The following NT5DC4 variants were observed in gnomAD, a reference collection of about 807,000 sequenced individuals.
NT5DC4 encodes 5'-nucleotidase domain-containing protein 4.
A neutral mutation model predicts 26.6 loss-of-function variants in NT5DC4; 44 were observed. The ratio of observed to expected loss-of-function variants is 1.65; its 90% CI spans 1.30 to 2.13. The LOEUF (loss-of-function observed/expected upper bound fraction) is 2.13. Among genes scored for constraint, NT5DC4 ranks in the 30% most tolerant of loss-of-function variants. The pLI is 0.00. For synonymous variants in NT5DC4, 157 were observed against 86.7 expected, an observed-to-expected ratio of 1.81 and a Z score of -4.51; for missense variants, 399 against 228.1, an observed-to-expected ratio of 1.75 and a Z score of -4.83.
At chr2:112,728,369 C>T (rs1401143002) in intron 15 of NT5DC4, among the ~76,000 whole-genome samples, 1 of 152,156 alleles carries the variant, frequency 6.6e-6, no homozygotes, top group East Asian at 1.9e-4. Context: ...AACACTCTGG[C>T]TGGTTTTCCT....
At chr2:112,742,395 TCTC>T, downstream of NT5DC4, 1 of 717,532 alleles carries the variant, frequency 1.4e-6, no homozygotes, top group Non-Finnish European at 2.6e-6. Flanking sequence ...TTAAGGCATT[TCTC>T]CTTTCTGCCT....
At chr2:112,723,974 T>C (rs1558726651) in intron 9 of NT5DC4, 120 bp from the exon 10 acceptor site, 5 of 703,778 alleles carry the variant, frequency 7.1e-6, no homozygotes, top group South Asian at 6.0e-5. Flanking sequence ...CTCAGAAGAA[T>C]GAGCAACTTT....
At chr2:112,734,246 T>C (rs554875067) in intron 16 of NT5DC4, among the ~76,000 whole-genome samples, 1 of 149,506 alleles carries the variant, frequency 6.7e-6, no homozygotes, top group Non-Finnish European at 1.5e-5. Context: ...GGAAACCTAA[T>C]GAAACTGGTT....
intron 16 of NT5DC4, 65 bp downstream of exon 16, chr2:112,729,769 G>T: frequency 1.4e-6 from 1 of 716,216 alleles, no homozygotes; most frequent in Non-Finnish European, 2.6e-6. Flanking sequence ...GTGGTTCCCA[G>T]TGGGGTTGTA....
chr2:112,719,019 C>T (rs4849113), upstream of NT5DC4, among the ~76,000 whole-genome samples: 65,891 of 152,112 alleles, frequency 0.43, 15,153 homozygotes, highest in Non-Finnish European at 0.49. Context: ...TACAGTCATG[C>T]GGGGCTTGAC....
At chr2:112,740,747 G>A (rs1241380429), downstream of NT5DC4, 1 of 1,304,514 alleles carries the variant, frequency 7.7e-7, no homozygotes, top group Non-Finnish European at 1.1e-6. Flanking sequence ...CTCTAGATCT[G>A]TGAAGGAAAA....
rs1213757122 is a variant in NT5DC4 at position 112,722,710 on chromosome 2, C to A, written c.470-4C>A. The A allele has an allele frequency of 1.4e-6, 1 of 717,624 alleles. No homozygotes were observed. Among genetic ancestry groups the A allele is most frequent in the South Asian group, 1.5e-5 (1 of 67,604 alleles). The allele number at this position is 717,624 out of a possible 1,614,324, so 44.5% of individuals were successfully genotyped here. Reference sequence around the variant, plus strand: ...TGACAACTGACCATCCTGTCTGCCCCCAGAAACCTACCTCTATGCCTGCTT... The same window carrying A: ...TGACAACTGACCATCCTGTCTGCCCACAGAAACCTACCTCTATGCCTGCTT... On this transcript the variant is annotated splice_polypyrimidine_tract_variant and splice_region_variant and intron_variant, in intron 5 of 16. Transcript: ENST00000688554.
chr2:112,730,953 C>T (rs1678415757), intron 16 of NT5DC4: 1 of 152,084 alleles, frequency 6.6e-6, no homozygotes, highest in South Asian at 2.1e-4. Flanking sequence ...GTGGTTTGAT[C>T]CCTCTATATC....
Position 112,729,708 on chromosome 2 carries a change from A to G in NT5DC4, c.1344+4A>G, listed in dbSNP as rs1678248878. 1.4e-6 allele frequency: 1 copy of G among 717,594 alleles called. No homozygotes were observed. The highest frequency in any genetic ancestry group is 1.7e-5 in the African/African-American group (1 of 57,260). The allele number at this position is 717,594 out of a possible 1,614,324, so 44.5% of individuals were successfully genotyped here. On this transcript the variant is annotated splice_donor_region_variant and intron_variant, in intron 16 of 16. Transcript: ENST00000688554. Reference sequence around the variant, plus strand: ...CCTCCTCTCCTGCAACCAGAGGGTGAGTGGCTGTGGCCGACGAACTCTGTG... The same window carrying G: ...CCTCCTCTCCTGCAACCAGAGGGTGGGTGGCTGTGGCCGACGAACTCTGTG...
chr2:112,736,476 A>G (rs543816318), intron 16 of NT5DC4: 30 of 152,314 alleles, frequency 2.0e-4, no homozygotes, highest in African/African-American at 7.0e-4. Flanking sequence ...TTTTTTTGTG[A>G]TAATAGCAGC....
intron 1 of NT5DC4, 66 bp from the exon 2 acceptor site, chr2:112,721,752 T>C (rs1676889305): frequency 1.4e-6 from 1 of 716,952 alleles, no homozygotes; most frequent in African/African-American, 1.7e-5. Flanking sequence ...CCACCCCCTC[T>C]GTCCTTGGGC....
chr2:112,719,924 CTCTTTCTTTCTT>C (rs35714262), upstream of NT5DC4, among the ~76,000 whole-genome samples: 5,965 of 68,342 alleles, frequency 0.087, 261 homozygotes, highest in Middle Eastern at 0.22. Flanking sequence ...TTCTTTCTTT[CTCTTTCTTTCTT>C]TCTTTCTTTC....
intron 16 of NT5DC4, among the ~76,000 whole-genome samples, chr2:112,735,579 A>G (rs1057147061): frequency 2.0e-5 from 3 of 151,812 alleles, no homozygotes; most frequent in Non-Finnish European, 4.4e-5. Context: ...GCAAAGGCCC[A>G]TATTTCCACT....
rs1274267343 is a variant in NT5DC4, at chr2:112,722,069, C to T, written c.232C>T (p.Leu78=). ...GTGCATTGGGTACCCGCATGAGATC[C>T]TGCGCTACACCTACGACCCCACCTT... ...LVCIGYPHEI[L]RYTYDPTFPT... is the part of the protein sequence containing the mutation. Residue 78 remains leucine (L), a synonymous_variant, in exon 3 of 17, where the codon CTG becomes TTG. Transcript: ENST00000688554. 2.8e-6 allele frequency: 2 copies of T among 717,030 alleles called. No individual in the cohort carries two copies. The highest frequency in any genetic ancestry group is 2.0e-5 in the Admixed American group (1 of 50,002). 44.4% of individuals were successfully genotyped at this position (717,030 alleles called of 1,614,324 possible).
chr2:112,723,055 C>A (rs1448044673), intron 6 of NT5DC4, 26 bp from the exon 7 acceptor site: 3 of 702,168 alleles, frequency 4.3e-6, no homozygotes, highest in African/African-American at 1.8e-5. Flanking sequence ...TTATTGGCCT[C>A]CCCGTCCCCT....
In NT5DC4 at chr2:112,726,309, G is replaced by A. The variant is rs984895736; in HGVS notation, c.1205+20G>A. 2.8e-6 allele frequency: 2 copies of A among 717,128 alleles called. No individual in the cohort carries two copies. The highest frequency in any genetic ancestry group is 2.6e-6 in the Non-Finnish European group (1 of 384,970). 44.4% of individuals were successfully genotyped at this position (717,128 alleles called of 1,614,324 possible). A position where few individuals can be genotyped will look rare whatever the true frequency, so the allele number is the denominator to read the frequency against. ...ATACCAGTGAGACCCTGGCCTTTCTGGGGGTGGGATGGGGCAGGGAGAGGT... is the reference window on the plus strand; with the variant it reads ...ATACCAGTGAGACCCTGGCCTTTCTAGGGGTGGGATGGGGCAGGGAGAGGT... On this transcript the variant is annotated intron_variant, in intron 14 of 16. Transcript: ENST00000688554.
chr2:112,721,748 C>T (rs183544139), intron 1 of NT5DC4, 70 bp from the exon 2 acceptor site: 3 of 716,708 alleles, frequency 4.2e-6, no homozygotes, highest in Non-Finnish European at 5.2e-6. Flanking sequence ...GTTTCCACCC[C>T]CTCTGTCCTT....
intron 16 of NT5DC4, among the ~76,000 whole-genome samples, chr2:112,733,547 T>C (rs950946470): frequency 1.9e-4 from 29 of 152,190 alleles, no homozygotes; most frequent in African/African-American, 7.0e-4. Context: ...GTTCCTCTCT[T>C]CCCCCTTCCA....
intron 16 of NT5DC4, chr2:112,730,987 A>C (rs1282117187): frequency 1.3e-5 from 2 of 152,118 alleles, no homozygotes; most frequent in East Asian, 3.9e-4. Flanking sequence ...GATCCAGCCT[A>C]GGGCATTTTG....
Sources: gnomAD v4.1 joint callset for allele counts (sites outside exome capture counted in the v4.1 genomes callset) on GRCh38, gnomAD v4.1.1 for gene constraint, MANE v1.5 for transcripts, NCBI Gene and HGNC (gene_info 2026-07-23, HGNC 2026-07-21) for gene names.